Variants in SGCZ observed in about 807,000 individuals in gnomAD.
SGCZ encodes sarcoglycan zeta.
SGCZ carries 40 observed loss-of-function variants against 41.3 expected under a neutral mutation model. The observed-to-expected ratio is 0.97, with a 90% confidence interval of 0.75 to 1.26. The LOEUF (loss-of-function observed/expected upper bound fraction) is 1.26, where lower values mean the gene tolerates loss of function less well. Ranked by LOEUF, SGCZ falls within the 50% of genes most tolerant of loss-of-function variation. SGCZ has a pLI of 0.00. For synonymous variants in SGCZ, 206 were observed against 137.5 expected (o/e 1.50, Z -3.49); for missense variants, 552 against 369.8 (o/e 1.49, Z -4.04).
chr8:14,663,938 C>A (rs1002100457), intron 1 of SGCZ, among the ~76,000 whole-genome samples: 4 of 152,064 alleles, frequency 2.6e-5, no homozygotes, highest in African/African-American at 9.7e-5. Flanking sequence ...GTTAGAGAAC[C>A]AGCGGCTTAG....
intron 4 of SGCZ, among the ~76,000 whole-genome samples, chr8:14,213,710 T>C (rs1805895296): frequency 6.6e-6 from 1 of 152,042 alleles, no homozygotes; most frequent in South Asian, 2.1e-4. Flanking sequence ...AAATATCAAG[T>C]TTGATATAAT....
At chr8:15,213,559 T>C (rs1045423123) in intron 1 of SGCZ, among the ~76,000 whole-genome samples, 2 of 151,532 alleles carry the variant, frequency 1.3e-5, no homozygotes, top group African/African-American at 4.8e-5. Flanking sequence ...ATTATCAGTC[T>C]ACAAAAACAA....
In SGCZ at chr8:14,832,862, G is replaced by C. The variant is rs539618216; in HGVS notation, c.40-277936C>G. The stretch of plus-strand genomic sequence containing the variant: ...TCTAATATGTATGTTGCATAAAATA[G>C]GTAGGATGTTTTAATAGGTAGGTTT... On this transcript the variant is annotated intron_variant, in intron 1 of 7. Transcript: ENST00000382080. Among the ~76,000 whole-genome samples, 13 of 151,980 alleles carry C rather than the reference G, an allele frequency of 8.6e-5. No individual in the cohort carries two copies. The South Asian group carries it at 2.7e-3, about 32-fold the overall frequency.
At chr8:14,280,126 T>C (rs1195060991) in intron 3 of SGCZ, among the ~76,000 whole-genome samples, 1 of 151,962 alleles carries the variant, frequency 6.6e-6, no homozygotes, top group Non-Finnish European at 1.5e-5. Context: ...ACTTTTACAG[T>C]ATAAGCAGAA....
intron 2 of SGCZ, among the ~76,000 whole-genome samples, chr8:14,341,269 T>G (rs2117078299): frequency 6.6e-6 from 1 of 152,342 alleles, no homozygotes; most frequent in East Asian, 1.9e-4. Flanking sequence ...CTGCTTTCAA[T>G]TCTTTTGAGT....
At chr8:14,508,699 G>A (rs1002956460) in intron 2 of SGCZ, among the ~76,000 whole-genome samples, 35 of 152,058 alleles carry the variant, frequency 2.3e-4, no homozygotes, top group African/African-American at 8.5e-4. Context: ...AGCTAATATG[G>A]GTTACACTGG....
intron 1 of SGCZ, among the ~76,000 whole-genome samples, chr8:15,004,684 C>T (rs1419905636): frequency 2.6e-5 from 4 of 152,136 alleles, no homozygotes; most frequent in Non-Finnish European, 4.4e-5. Flanking sequence ...TATCTCTTGG[C>T]AGAAATCTTT....
At chr8:14,815,927 G>T (rs1235774039) in intron 1 of SGCZ, among the ~76,000 whole-genome samples, 1 of 152,022 alleles carries the variant, frequency 6.6e-6, no homozygotes, top group East Asian at 1.9e-4. Context: ...ATTTGATGTT[G>T]GTCCACCCTC....
At chr8:14,417,462 T>C (rs568474407) in intron 2 of SGCZ, among the ~76,000 whole-genome samples, 104 of 152,038 alleles carry the variant, frequency 6.8e-4, no homozygotes, top group African/African-American at 2.4e-3. Context: ...CCAGTGATTA[T>C]TATTTTTGTT....
At position 14,439,816 on chromosome 8, in the gene SGCZ, T is replaced by C. The variant is rs536032266; in HGVS notation, c.234+114916A>G. ...TATAGGAAGCCTGGAACTTATATTA[T>C]GCTTAATGATGAAACACTGCTTTCT... On this transcript the variant is annotated intron_variant, in intron 2 of 7. Transcript: ENST00000382080. 2.6e-5 allele frequency among the ~76,000 whole-genome samples: 4 copies of C among 152,158 alleles called. No individual in the cohort carries two copies. In the East Asian group the frequency reaches 7.7e-4, roughly 29 times the overall value.
chr8:14,895,557 C>T (rs969714011), intron 1 of SGCZ, among the ~76,000 whole-genome samples: 1 of 152,046 alleles, frequency 6.6e-6, no homozygotes, highest in African/African-American at 2.4e-5. Context: ...GATAGAAAAC[C>T]TTATTTTGAA....
chr8:14,807,392 C>G (rs1049643884), intron 1 of SGCZ, among the ~76,000 whole-genome samples: 8 of 152,102 alleles, frequency 5.3e-5, no homozygotes, highest in African/African-American at 1.9e-4. Context: ...TCTCAGGACA[C>G]AAAATCAATG....
intron 1 of SGCZ, among the ~76,000 whole-genome samples, chr8:14,980,816 G>C (rs1181104917): frequency 6.6e-6 from 1 of 152,150 alleles, no homozygotes; most frequent in Non-Finnish European, 1.5e-5. Context: ...TGGGGACACA[G>C]AGCCAAACCA....
chr8:14,903,992 A>T (rs1461090076), intron 1 of SGCZ, among the ~76,000 whole-genome samples: 1 of 152,070 alleles, frequency 6.6e-6, no homozygotes, highest in African/African-American at 2.4e-5. Flanking sequence ...ATTGTGGACC[A>T]TTCAATAATG....
Position 14,593,444 on chromosome 8 carries a change from C to T in SGCZ, c.40-38518G>A, listed in dbSNP as rs565482568. On this transcript the variant is annotated intron_variant, in intron 1 of 7. Coordinates refer to ENST00000382080, the MANE Select transcript of SGCZ (RefSeq NM_139167.4). ...TCTCCAGAACGGTAACAGAATAGATCTGTTTTAAGTCACTAAGTTTGTAGT... is the reference window on the plus strand; with the variant it reads ...TCTCCAGAACGGTAACAGAATAGATTTGTTTTAAGTCACTAAGTTTGTAGT... Among the ~76,000 whole-genome samples the T allele has an allele frequency of 1.8e-4, 28 of 152,258 alleles. 1 individual carries two copies. Among genetic ancestry groups the T allele is most frequent in the African/African-American group, 6.3e-4 (26 of 41,562 alleles).
chr8:14,940,825 G>A (rs1800250522), intron 1 of SGCZ, among the ~76,000 whole-genome samples: 1 of 152,120 alleles, frequency 6.6e-6, no homozygotes, highest in Non-Finnish European at 1.5e-5. Context: ...ACCACAGAAA[G>A]GGGGAGACGT....
chr8:14,230,176 C>A (rs950254716), intron 4 of SGCZ, among the ~76,000 whole-genome samples: 3 of 151,974 alleles, frequency 2.0e-5, no homozygotes, highest in African/African-American at 7.2e-5. Flanking sequence ...CTCCCTTCTC[C>A]AAAGGTAAAA....
rs10681510 is a variant in SGCZ, at chr8:14,253,243, GGTGTGT to G, written c.337-15570_337-15565del. Reference sequence around the variant, plus strand: ...CTTCTAAAAAATAAGTTGTGTGTAGGGTGTGTGTGTGTGTGTGTGTGTGTGTGTGTA... The same window carrying G: ...CTTCTAAAAAATAAGTTGTGTGTAGGGTGTGTGTGTGTGTGTGTGTGTGTA... On this transcript the variant is annotated intron_variant, in intron 3 of 7. Transcript: ENST00000382080. 4.7e-5 allele frequency among the ~76,000 whole-genome samples: 7 copies of G among 148,940 alleles called. No individual in the cohort carries two copies. In the East Asian group the frequency reaches 6.0e-4, roughly 13 times the overall value.
At chr8:14,270,275 T>G (rs1039109655) in intron 3 of SGCZ, among the ~76,000 whole-genome samples, 4 of 151,966 alleles carry the variant, frequency 2.6e-5, no homozygotes, top group African/African-American at 4.8e-5. Flanking sequence ...GAGGTTGCAG[T>G]GAGCCGAGAT....
Sources: allele counts gnomAD v4.1 joint callset (sites outside exome capture counted in the v4.1 genomes callset), GRCh38; gene constraint gnomAD v4.1.1; transcripts MANE v1.5; gene names NCBI Gene and HGNC (gene_info 2026-07-23, HGNC 2026-07-21).